The following ANK2 variants were observed in gnomAD, a reference collection of about 807,000 sequenced individuals.
ANK2 encodes the protein ankyrin-2.
A neutral mutation model predicts 360.5 loss-of-function variants in ANK2; 83 were observed. The observed-to-expected ratio is 0.23, with a 90% CI of 0.19 to 0.28. The LOEUF is 0.28. Among genes scored for constraint, ANK2 ranks in the 10% least tolerant of loss-of-function variants. The probability of loss-of-function intolerance (pLI) is 1.00; values close to 1 mark genes in which losing one functional copy is unlikely to be tolerated. For missense variants in ANK2, 4,201 were observed against 4,795.7 expected (o/e 0.88, Z 3.66); for synonymous variants, 1,740 against 1,759.5 (o/e 0.99, Z 0.28).
chr4:113,209,898 C>T (rs2099000937), intron 4 of ANK2, among the ~76,000 whole-genome samples: 1 of 152,130 alleles, frequency 6.6e-6, no homozygotes. Flanking sequence ...TTTCAGGCCC[C>T]TCAGGAGGAA....
At chr4:112,864,019 G>T (rs2069233195) in intron 1 of ANK2, among the ~76,000 whole-genome samples, 1 of 152,146 alleles carries the variant, frequency 6.6e-6, no homozygotes, top group Non-Finnish European at 1.5e-5. Context: ...TTACATTTGG[G>T]TGGGAATACA....
At chr4:113,124,332 T>C (rs1026557422) in intron 1 of ANK2, among the ~76,000 whole-genome samples, 5 of 152,300 alleles carry the variant, frequency 3.3e-5, no homozygotes, top group Middle Eastern at 6.8e-3. Context: ...GTACTTGACT[T>C]TGATAGATCT....
intron 1 of ANK2, among the ~76,000 whole-genome samples, chr4:112,837,400 C>T (rs2061222915): frequency 6.6e-6 from 1 of 152,258 alleles, no homozygotes; most frequent in Non-Finnish European, 1.5e-5. Flanking sequence ...TCATGGCGAA[C>T]CTCTGCTGGG....
At chr4:112,762,231 T>C in the ANK2 span, among the ~76,000 whole-genome samples, 16 of 152,356 alleles carry the variant, frequency 1.1e-4, no homozygotes, top group Admixed American at 7.8e-4. Flanking sequence ...ACAAATGTTT[T>C]CTTAATATTG....
At chr4:112,774,559 C>G in the ANK2 span, among the ~76,000 whole-genome samples, 1 of 152,190 alleles carries the variant, frequency 6.6e-6, no homozygotes, top group Admixed American at 6.5e-5. Flanking sequence ...AACTGACTAA[C>G]TAACTCCTGT....
rs760975847 is a variant in ANK2 at position 113,277,848 on chromosome 4, T to A, written c.1695T>A (p.Thr565=). ...AHSLATKKGF[T]PLHVAAKYGS... is the part of the protein sequence containing the mutation. ...TCTCACATTTTCAGAAGGGTTTTAC[T>A]CCCCTGCATGTAGCAGCCAAGTATG... is the stretch of plus-strand genomic sequence containing the variant. Residue 565 remains threonine (T), a synonymous_variant, in exon 16 of 46, where the codon ACT becomes ACA. Coordinates refer to ENST00000357077, the MANE Select transcript of ANK2 (RefSeq NM_001148.6). 10 of 1,613,196 alleles carry A rather than the reference T, an allele frequency of 6.2e-6. No homozygotes were observed. Among genetic ancestry groups the A allele is most frequent in the Non-Finnish European group, 8.5e-6 (10 of 1,179,178 alleles).
At chr4:113,051,116 A>G (rs559582754) in intron 1 of ANK2, among the ~76,000 whole-genome samples, 1 of 152,330 alleles carries the variant, frequency 6.6e-6, no homozygotes, top group African/African-American at 2.4e-5. Flanking sequence ...TTCCAGATCT[A>G]GACCTTGAGG....
intron 5 of ANK2, among the ~76,000 whole-genome samples, chr4:113,233,761 C>G (rs1282699977): frequency 6.6e-6 from 1 of 151,936 alleles, no homozygotes; most frequent in Non-Finnish European, 1.5e-5. Flanking sequence ...TTAATGAGAC[C>G]ATGTTTCCTA....
At chr4:113,118,539 ACTACTT>A (rs2095067181) in intron 1 of ANK2, among the ~76,000 whole-genome samples, 1 of 152,186 alleles carries the variant, frequency 6.6e-6, no homozygotes, top group Non-Finnish European at 1.5e-5. Context: ...ATTTCAGTTT[ACTACTT>A]ATCTCACCAC....
At chr4:113,366,391 C>CTTT (rs58588518) in intron 41 of ANK2, among the ~76,000 whole-genome samples, 4,552 of 108,204 alleles carry the variant, frequency 0.042, 209 homozygotes, top group African/African-American at 0.11. Flanking sequence ...TTCTTGCTTC[C>CTTT]TTTTTTTTTT....
intron 11 of ANK2, 56 bp downstream of exon 11, chr4:113,255,988 A>G (rs1405428702): frequency 7.0e-6 from 11 of 1,565,816 alleles, no homozygotes; most frequent in South Asian, 1.1e-5. Context: ...ACAAACCCAC[A>G]TTCATTGACC....
At chr4:112,871,429 C>T (rs972136283) in intron 1 of ANK2, among the ~76,000 whole-genome samples, 2 of 152,144 alleles carry the variant, frequency 1.3e-5, no homozygotes, top group Non-Finnish European at 2.9e-5. Context: ...TCAGGCAATC[C>T]GCCTGCCTTG....
chr4:113,318,675 A>G, intron 26 of ANK2, 55 bp downstream of exon 26: 1 of 1,432,074 alleles, frequency 7.0e-7, no homozygotes, highest in Non-Finnish European at 9.7e-7. Flanking sequence ...GATGGGAGTG[A>G]AAACAACAGC....
In ANK2 at chr4:113,354,786, C is replaced by G. The variant is rs3796928; in HGVS notation, c.6168C>G (p.Leu2056=). 0.039 allele frequency: 62,363 copies of G among 1,613,864 alleles called. 4,409 individuals carry two copies. Among genetic ancestry groups the G allele is most frequent in the African/African-American group, 0.31 (23,378 of 74,946 alleles). Reference sequence around the variant, plus strand: ...AGACAATCAAACGAGGCCAGAGACTCCCGGTAACGGGCACAGCAGAATCCA... The same window carrying G: ...AGACAATCAAACGAGGCCAGAGACTGCCGGTAACGGGCACAGCAGAATCCA... ...ENQTIKRGQR[L]PVTGTAESKR... The change falls in exon 38 of 46, where the codon CTC becomes CTG. Residue 2056 remains leucine (L), a synonymous_variant. Transcript: ENST00000357077.
At chr4:113,279,902 T>C (rs1288806984) in intron 17 of ANK2, among the ~76,000 whole-genome samples, 1 of 152,082 alleles carries the variant, frequency 6.6e-6, no homozygotes, top group African/African-American at 2.4e-5. Context: ...ACATATTTTA[T>C]GTCTTTCTTT....
In ANK2 at chr4:113,223,027, A is replaced by G. The variant is rs576179453; in HGVS notation, c.385-9134A>G. The stretch of plus-strand genomic sequence containing the variant: ...ACACAAAGTAGTCTTTATTTTTGTG[A>G]CTACAATTAGTACCCATTGGTTTTT... On this transcript the variant is annotated intron_variant, in intron 4 of 45. Coordinates refer to ENST00000357077, the MANE Select transcript of ANK2 (RefSeq NM_001148.6). Among the ~76,000 whole-genome samples the G allele has an allele frequency of 1.2e-4, 19 of 152,294 alleles. No homozygotes were observed. In the South Asian group the frequency reaches 3.3e-3, roughly 27 times the overall value.
At chr4:113,236,595 C>A (rs1164837453) in intron 5 of ANK2, among the ~76,000 whole-genome samples, 1 of 152,194 alleles carries the variant, frequency 6.6e-6, no homozygotes, top group Non-Finnish European at 1.5e-5. Flanking sequence ...GTCTCAGTCA[C>A]CATATCTTTG....
intron 1 of ANK2, among the ~76,000 whole-genome samples, chr4:113,084,323 A>AT (rs2083612532): frequency 6.6e-6 from 1 of 152,214 alleles, no homozygotes; most frequent in Admixed American, 6.5e-5. Context: ...AGCAGCATGA[A>AT]TTTTTGGTGG....
chr4:113,365,228 TG>T (rs1303685225), intron 41 of ANK2, 46 bp downstream of exon 41: 2 of 1,585,408 alleles, frequency 1.3e-6, no homozygotes, highest in Non-Finnish European at 1.7e-6. Flanking sequence ...TGTGTGTGTG[TG>T]TGTTGTGTCT....
Sources: gnomAD v4.1 joint callset for allele counts (sites outside exome capture counted in the v4.1 genomes callset) on GRCh38, gnomAD v4.1.1 for gene constraint, MANE v1.5 for transcripts, NCBI Gene and HGNC (gene_info 2026-07-23, HGNC 2026-07-21) for gene names.